OPCML: variants seen among roughly 807,000 people sequenced by gnomAD.
The protein encoded by OPCML is opioid binding protein/cell adhesion molecule like, also known as opioid-binding protein/cell adhesion molecule.
A neutral mutation model predicts 37.8 loss-of-function variants in OPCML; 13 were observed. The observed-to-expected ratio is 0.34, with a 90% CI of 0.22 to 0.55. The LOEUF (loss-of-function observed/expected upper bound fraction) is 0.55, where lower values mean the gene tolerates loss of function less well. OPCML is among the 20% of genes least tolerant of loss of function. OPCML has a pLI of 0.91. For missense variants in OPCML, 341 were observed against 435.6 expected (o/e 0.78, Z 1.93); for synonymous variants, 176 against 168.8 (o/e 1.04, Z -0.33).
chr11:133,177,688 C>T lies in OPCML; in HGVS notation c.62-234678G>A, dbSNP rs952588159. Among the ~76,000 whole-genome samples, 3 of 152,260 alleles carry T rather than the reference C, an allele frequency of 2.0e-5. No individual in the cohort carries two copies. The highest frequency in any genetic ancestry group is 1.9e-4 in the East Asian group (1 of 5,176). ...ACTTCTCAGAAGCATCCAGTGAAAT[C>T]GCAGTAACAGTGGGTGGTACACTAA... is the stretch of plus-strand genomic sequence containing the variant. On this transcript the variant is annotated intron_variant, in intron 1 of 7. Transcript: ENST00000524381. This position sits in a 1 kb window ranked among gnomAD's most constrained non-coding sequence, Gnocchi z 5.0.
At chr11:132,963,461 G>A (rs995478330) in intron 1 of OPCML, among the ~76,000 whole-genome samples, 1 of 151,828 alleles carries the variant, frequency 6.6e-6, no homozygotes, top group African/African-American at 2.4e-5. Context: ...GTGTGGTGGA[G>A]CACTCCTGTA....
At chr11:133,142,646 C>T (rs1340888810) in intron 1 of OPCML, among the ~76,000 whole-genome samples, 1 of 152,108 alleles carries the variant, frequency 6.6e-6, no homozygotes, top group Non-Finnish European at 1.5e-5. Context: ...GGTTCTCATG[C>T]TTTTTGCTGA....
At chr11:132,742,736 A>T (rs200296583) in intron 2 of OPCML, among the ~76,000 whole-genome samples, 1 of 148,354 alleles carries the variant, frequency 6.7e-6, no homozygotes, top group East Asian at 1.9e-4. Flanking sequence ...GTATAATAAA[A>T]ATATATATAT....
At chr11:133,043,963 G>A (rs756239947) in intron 1 of OPCML, among the ~76,000 whole-genome samples, 2 of 152,326 alleles carry the variant, frequency 1.3e-5, no homozygotes, top group African/African-American at 2.4e-5. Context: ...ATCGAGGGGG[G>A]CACAGCAGAC....
intron 3 of OPCML, among the ~76,000 whole-genome samples, chr11:132,586,963 C>G (rs1003409247): frequency 1.3e-5 from 2 of 152,112 alleles, no homozygotes; most frequent in African/African-American, 4.8e-5. Context: ...GAATATTATG[C>G]ATTCGGGCAT....
intron 1 of OPCML, among the ~76,000 whole-genome samples, chr11:133,262,141 A>G (rs1052645256): frequency 6.6e-6 from 1 of 152,216 alleles, no homozygotes; most frequent in Non-Finnish European, 1.5e-5. Flanking sequence ...TATAGTATAC[A>G]TTGTGGCACA....
chr11:133,082,093 G>A (rs1284050071), intron 1 of OPCML, among the ~76,000 whole-genome samples: 1 of 151,972 alleles, frequency 6.6e-6, no homozygotes, highest in Admixed American at 6.5e-5. Context: ...ACGGCCGGGG[G>A]TGACCCGGGC....
intron 1 of OPCML, among the ~76,000 whole-genome samples, chr11:133,091,903 T>G (rs1948912681): frequency 6.6e-6 from 1 of 152,206 alleles, no homozygotes; most frequent in Non-Finnish European, 1.5e-5. Context: ...GAATATATTT[T>G]TCATGTGAGG....
intron 1 of OPCML, among the ~76,000 whole-genome samples, chr11:133,278,912 G>T (rs1942065027): frequency 2.0e-5 from 3 of 152,128 alleles, no homozygotes. Flanking sequence ...CAGACTTTAA[G>T]TAACTTGACC....
intron 1 of OPCML, among the ~76,000 whole-genome samples, chr11:133,392,797 T>G (rs937227808): frequency 6.6e-6 from 1 of 152,222 alleles, no homozygotes; most frequent in African/African-American, 2.4e-5. Flanking sequence ...TGAAGTACAG[T>G]TGATTCTTAT....
intron 3 of OPCML, among the ~76,000 whole-genome samples, chr11:132,590,631 G>A (rs77002730): frequency 0.015 from 2,283 of 152,284 alleles, 61 homozygotes; most frequent in African/African-American, 0.052. Flanking sequence ...AGCTTACTTA[G>A]CACTTTAGTG....
intron 2 of OPCML, among the ~76,000 whole-genome samples, chr11:132,747,869 G>A (rs1023360808): frequency 4.6e-5 from 7 of 152,112 alleles, no homozygotes; most frequent in East Asian, 1.9e-4. Context: ...GTCTCACTAT[G>A]TTGTCCAGGC....
At chr11:132,493,192 C>T (rs904648693) in intron 4 of OPCML, among the ~76,000 whole-genome samples, 1 of 152,198 alleles carries the variant, frequency 6.6e-6, no homozygotes, top group Non-Finnish European at 1.5e-5. Context: ...CTGGTAACTA[C>T]ACTTTTGCTG....
At position 133,194,924 on chromosome 11, in the gene OPCML, G is replaced by A. The variant is rs79705075; in HGVS notation, c.62-251914C>T. 2.6e-3 allele frequency among the ~76,000 whole-genome samples: 389 copies of A among 152,294 alleles called. 18 individuals are homozygous for A. In the East Asian group the frequency reaches 0.05, roughly 20 times the overall value. Reference sequence around the variant, plus strand: ...CTTTACATGCTGAGACACTTAAGGTGCAGCTCGGATGTCAACTCCTTCACG... The same window carrying A: ...CTTTACATGCTGAGACACTTAAGGTACAGCTCGGATGTCAACTCCTTCACG... On this transcript the variant is annotated intron_variant, in intron 1 of 7. Coordinates refer to ENST00000524381, the MANE Select transcript of OPCML (RefSeq NM_001012393.5).
intron 3 of OPCML, among the ~76,000 whole-genome samples, chr11:132,639,152 C>A (rs1940698074): frequency 6.6e-6 from 1 of 152,226 alleles, no homozygotes. Flanking sequence ...AAAATCAAAA[C>A]TGGTCAGGAC....
intron 1 of OPCML, among the ~76,000 whole-genome samples, chr11:133,183,754 T>C (rs766767302): frequency 8.5e-5 from 13 of 152,330 alleles, no homozygotes; most frequent in Non-Finnish European, 1.6e-4. Context: ...AATACATGAA[T>C]ACAAGTAAAA....
chr11:132,546,285 A>G (rs1431081915), intron 3 of OPCML, among the ~76,000 whole-genome samples: 1 of 151,896 alleles, frequency 6.6e-6, no homozygotes, highest in African/African-American at 2.4e-5. Context: ...ATTTATTTCT[A>G]TTTTTTAATT....
At chr11:133,092,294 A>G (rs191435680) in intron 1 of OPCML, among the ~76,000 whole-genome samples, 209 of 152,264 alleles carry the variant, frequency 1.4e-3, no homozygotes, top group African/African-American at 4.9e-3. Flanking sequence ...GGTCTGTGGC[A>G]TTTTGTTACA....
chr11:132,680,728 A>C (rs1424953582), intron 2 of OPCML, among the ~76,000 whole-genome samples: 4 of 152,328 alleles, frequency 2.6e-5, no homozygotes, highest in African/African-American at 9.6e-5. Flanking sequence ...TTTATATTCG[A>C]GCAGAGAAAC....
Sources: gnomAD v4.1 joint callset for allele counts (sites outside exome capture counted in the v4.1 genomes callset) on GRCh38, gnomAD v4.1.1 for gene constraint, Gnocchi (gnomAD v3.1) non-coding constraint, MANE v1.5 for transcripts, NCBI Gene and HGNC (gene_info 2026-07-23, HGNC 2026-07-21) for gene names.